STK24: variants seen among roughly 807,000 people sequenced by gnomAD.
STK24 encodes serine/threonine kinase 24.
In STK24, 21 loss-of-function variants were observed where a neutral mutation model predicts 55.6. That is an observed-to-expected ratio of 0.38 (90% CI 0.27 to 0.54). The LOEUF (loss-of-function observed/expected upper bound fraction) is 0.54. STK24 is among the 20% of genes least tolerant of loss of function. STK24 has a pLI of 0.79. For synonymous variants in STK24, 200 were observed against 215.2 expected, an observed-to-expected ratio of 0.93 and a Z score of 0.62; for missense variants, 383 against 538.4, an observed-to-expected ratio of 0.71 and a Z score of 2.86.
intron 1 of STK24, among the ~76,000 whole-genome samples, chr13:98,562,918 A>T (rs1232091629): frequency 4.2e-5 from 5 of 118,942 alleles, no homozygotes; most frequent in South Asian, 4.9e-4. Context: ...TCCCTCTCTT[A>T]AAAAAAAAAA....
chr13:98,555,897 T>C (rs994159114), intron 1 of STK24, among the ~76,000 whole-genome samples: 2 of 151,694 alleles, frequency 1.3e-5, no homozygotes, highest in Non-Finnish European at 2.9e-5. Flanking sequence ...TTAGCCAGGA[T>C]GGTCTCAATC....
At chr13:98,461,054 AAG>A (rs71292876) in intron 8 of STK24, among the ~76,000 whole-genome samples, 5,998 of 143,620 alleles carry the variant, frequency 0.042, 234 homozygotes, top group African/African-American at 0.1. Context: ...AAAAAAAAAA[AAG>A]AGAGAGAGAG....
intron 1 of STK24, among the ~76,000 whole-genome samples, chr13:98,566,095 G>A (rs1039077893): frequency 3.9e-5 from 6 of 152,092 alleles, no homozygotes; most frequent in Admixed American, 2.0e-4. Context: ...GACCCACACC[G>A]CCAGCTGCCC....
At chr13:98,523,981 T>G (rs569431374) in intron 1 of STK24, among the ~76,000 whole-genome samples, 2 of 152,000 alleles carry the variant, frequency 1.3e-5, no homozygotes, top group East Asian at 3.9e-4. Context: ...GCCGCCCCAC[T>G]CTTCCTGTCC....
chr13:98,511,369 G>GT (rs1895871605), intron 2 of STK24, among the ~76,000 whole-genome samples: 1 of 152,176 alleles, frequency 6.6e-6, no homozygotes, highest in African/African-American at 2.4e-5. Flanking sequence ...CCAAATGCTG[G>GT]TGGGGATGCA....
intron 2 of STK24, among the ~76,000 whole-genome samples, chr13:98,492,071 G>A (rs1442476070): frequency 1.9e-4 from 12 of 63,160 alleles, no homozygotes; most frequent in South Asian, 5.8e-4. Context: ...TTTAAAGTGC[G>A]TGCGCGTGTG....
chr13:98,457,378 A>G lies in STK24; in HGVS notation c.1123-74T>C, dbSNP rs1002138092. ...AACTGGGAAGCATGCTGTTCAAGGA[A>G]CAACACGGCGTGTGGACCACGACAC... On this transcript the variant is annotated intron_variant, in intron 9 of 10. Coordinates refer to ENST00000539966, the MANE Select transcript of STK24 (RefSeq NM_001032296.4). The G allele has an allele frequency of 6.0e-5, 96 of 1,606,876 alleles. 1 individual carries two copies. The African/African-American group carries it at 1.2e-3, about 20-fold the overall frequency.
chr13:98,446,791 G>T lies in STK24; in HGVS notation c.*6382C>A. The T allele has an allele frequency of 1.2e-6, 2 of 1,614,028 alleles. No homozygotes were observed. The highest frequency in any genetic ancestry group is 1.7e-6 in the Non-Finnish European group (2 of 1,180,008). On this transcript the variant is annotated 3_prime_UTR_variant, in exon 11 of 11. Transcript: ENST00000539966. ...TCAAGTCCCACGTCTACTACTTCAG[G>T]GCGGAAAGCGAGTACACGTTCGAAA...
intron 1 of STK24, chr13:98,553,570 CA>C: frequency 6.1e-6 from 1 of 164,892 alleles, no homozygotes; most frequent in Non-Finnish European, 1.4e-5. Flanking sequence ...ACCCAAAATT[CA>C]AAGAAAACAT....
In STK24 at chr13:98,461,914, A is replaced by AG; in HGVS notation, c.930-18dup. The AG allele has an allele frequency of 6.2e-7, 1 of 1,613,058 alleles. No homozygotes were observed. The highest frequency in any genetic ancestry group is 8.5e-7 in the Non-Finnish European group (1 of 1,179,244). ...TCTGTTTCCCTTAACACAGAAATGC[A>AG]GGAAATCCCATCAGTGCTCGCACAC... On this transcript the variant is annotated splice_polypyrimidine_tract_variant and intron_variant, in intron 7 of 10. Coordinates refer to ENST00000539966, the MANE Select transcript of STK24 (RefSeq NM_001032296.4).
rs747653583 is a variant in STK24, at chr13:98,446,724, A to T, written c.*6449T>A. The T allele has an allele frequency of 6.2e-7, 1 of 1,614,140 alleles. No homozygotes were observed. Among genetic ancestry groups the T allele is most frequent in the South Asian group, 1.1e-5 (1 of 91,084 alleles). On this transcript the variant is annotated 3_prime_UTR_variant, in exon 11 of 11. Transcript: ENST00000539966. ...GGCTACTCGCTCACCATCCCCTCTG[A>T]GTCCGAGAACATCCAGAAAGACTAC...
At chr13:98,522,313 C>T (rs1462002611) in intron 1 of STK24, among the ~76,000 whole-genome samples, 2 of 152,166 alleles carry the variant, frequency 1.3e-5, no homozygotes, top group Non-Finnish European at 2.9e-5. Flanking sequence ...CAGGGGTGCC[C>T]GGTAGTTTCA....
At chr13:98,517,713 A>G (rs1896116769) in intron 2 of STK24, among the ~76,000 whole-genome samples, 1 of 152,144 alleles carries the variant, frequency 6.6e-6, no homozygotes, top group Non-Finnish European at 1.5e-5. Flanking sequence ...TTGCTGTGTC[A>G]AGACCCAAAC....
intron 1 of STK24, among the ~76,000 whole-genome samples, chr13:98,546,673 T>TG (rs893144728): frequency 2.0e-5 from 3 of 152,154 alleles, no homozygotes; most frequent in African/African-American, 7.2e-5. Context: ...CAAACGCAGG[T>TG]GGGGCAGCCC....
intron 2 of STK24, among the ~76,000 whole-genome samples, chr13:98,507,167 T>C (rs1380289950): frequency 2.0e-5 from 3 of 152,192 alleles, no homozygotes; most frequent in Non-Finnish European, 4.4e-5. Context: ...ATTGAATAAA[T>C]ATCTGAAATA....
chr13:98,563,699 A>C (rs891875529), intron 1 of STK24, among the ~76,000 whole-genome samples: 4 of 152,016 alleles, frequency 2.6e-5, no homozygotes, highest in African/African-American at 9.7e-5. Flanking sequence ...TCTACTAAAA[A>C]TAAAAAAAAA....
rs376536821 is a variant in STK24 at position 98,474,795 on chromosome 13, C to G, written c.597+26G>C. On this transcript the variant is annotated intron_variant, in intron 5 of 10. Coordinates refer to ENST00000539966, the MANE Select transcript of STK24 (RefSeq NM_001032296.4). ...GGAGCCCTCCAGGCCTCGTGAGGCA[C>G]GGCGCCGCCCTCACCCTCCCCTCAC... The G allele has an allele frequency of 3.8e-6, 6 of 1,577,630 alleles. No homozygotes were observed. The African/African-American group carries it at 6.8e-5, about 18-fold the overall frequency.
chr13:98,469,898 A>G (rs2139275268), intron 5 of STK24, among the ~76,000 whole-genome samples: 1 of 152,318 alleles, frequency 6.6e-6, no homozygotes, highest in East Asian at 1.9e-4. Flanking sequence ...AAATATCCAA[A>G]CTTGTTAAAA....
intron 2 of STK24, among the ~76,000 whole-genome samples, chr13:98,499,001 C>G (rs1156309044): frequency 6.6e-6 from 1 of 152,208 alleles, no homozygotes; most frequent in African/African-American, 2.4e-5. Flanking sequence ...ATAATCAGCA[C>G]TTTGGGAGGC....
Sources: allele counts gnomAD v4.1 joint callset (sites outside exome capture counted in the v4.1 genomes callset), GRCh38; gene constraint gnomAD v4.1.1; transcripts MANE v1.5; gene names NCBI Gene and HGNC (gene_info 2026-07-23, HGNC 2026-07-21).